Variants in CFAP299 observed in about 807,000 individuals in gnomAD.
The protein encoded by CFAP299 is cilia- and flagella-associated protein 299.
Under a neutral mutation model 27.0 loss-of-function variants are expected in CFAP299, and 21 were observed. The ratio of observed to expected loss-of-function variants is 0.78; its 90% CI spans 0.55 to 1.12. The LOEUF (loss-of-function observed/expected upper bound fraction) is 1.12, where lower values mean the gene tolerates loss of function less well. Ranked by LOEUF, CFAP299 falls within the 50% of genes most tolerant of loss-of-function variation. The probability of loss-of-function intolerance (pLI) is 0.00; values close to 1 mark genes in which losing one functional copy is unlikely to be tolerated. For missense variants in CFAP299, 310 were observed against 276.6 expected (o/e 1.12, Z -0.86); for synonymous variants, 104 against 98.1 (o/e 1.06, Z -0.36).
At chr4:80,552,599 T>C (rs1048925842) in intron 2 of CFAP299, among the ~76,000 whole-genome samples, 1 of 152,204 alleles carries the variant, frequency 6.6e-6, no homozygotes, top group African/African-American at 2.4e-5. Flanking sequence ...AAAATGATTA[T>C]GGAAAAAGAA....
chr4:80,575,293 G>C (rs575710232), intron 2 of CFAP299, among the ~76,000 whole-genome samples: 5 of 151,854 alleles, frequency 3.3e-5, no homozygotes, highest in African/African-American at 9.6e-5. Flanking sequence ...AATTTCTGCA[G>C]TATCAGTTAT....
At chr4:80,676,225 T>A (rs1719446351) in intron 3 of CFAP299, among the ~76,000 whole-genome samples, 1 of 152,240 alleles carries the variant, frequency 6.6e-6, no homozygotes, top group Admixed American at 6.5e-5. Flanking sequence ...ATATTGTTTT[T>A]GTCCTTGGTT....
At chr4:80,756,741 C>T (rs1339598054) in intron 3 of CFAP299, among the ~76,000 whole-genome samples, 1 of 151,994 alleles carries the variant, frequency 6.6e-6, no homozygotes, top group Non-Finnish European at 1.5e-5. Flanking sequence ...AGCTATATGG[C>T]CCACAAAGCC....
rs184452168 is a variant in CFAP299, at chr4:80,401,479, G to A, written c.242+38595G>A. Among the ~76,000 whole-genome samples, 977 of 152,294 alleles carry A rather than the reference G, an allele frequency of 6.4e-3. 22 individuals carry two copies. The highest frequency in any genetic ancestry group is 0.022 in the African/African-American group (932 of 41,528). ...GTACAGCTTGGGCTGTGGCTTCAGAGGGGGGAAGCCCCAAGTCTTGGCAGC... is the reference window on the plus strand; with the variant it reads ...GTACAGCTTGGGCTGTGGCTTCAGAAGGGGGAAGCCCCAAGTCTTGGCAGC... On this transcript the variant is annotated intron_variant, in intron 2 of 5. Transcript: ENST00000358105.
At chr4:80,509,685 A>G (rs1218854785) in intron 2 of CFAP299, among the ~76,000 whole-genome samples, 1 of 152,222 alleles carries the variant, frequency 6.6e-6, no homozygotes, top group East Asian at 1.9e-4. Flanking sequence ...TTATTTCTTC[A>G]CACAGAATTG....
chr4:80,591,040 C>A (rs957740663), intron 3 of CFAP299, among the ~76,000 whole-genome samples: 6 of 142,936 alleles, frequency 4.2e-5, no homozygotes, highest in Non-Finnish European at 7.7e-5. Flanking sequence ...TCTTAATTTA[C>A]TTTATGTTTG....
chr4:80,931,422 C>T (rs1736610250), intron 4 of CFAP299, among the ~76,000 whole-genome samples: 1 of 152,188 alleles, frequency 6.6e-6, no homozygotes, highest in East Asian at 1.9e-4. Context: ...GAGAGCACCC[C>T]ATTCAAACAA....
chr4:80,597,390 A>C (rs1457926117), intron 3 of CFAP299, among the ~76,000 whole-genome samples: 1 of 152,030 alleles, frequency 6.6e-6, no homozygotes, highest in Non-Finnish European at 1.5e-5. Flanking sequence ...CACATTTCTT[A>C]TCTATTTTTC....
At chr4:80,893,634 A>C (rs945457201) in intron 4 of CFAP299, among the ~76,000 whole-genome samples, 1 of 151,800 alleles carries the variant, frequency 6.6e-6, no homozygotes, top group Non-Finnish European at 1.5e-5. Context: ...TCTTCAATAA[A>C]TGATACTAGA....
chr4:80,458,915 G>C (rs1262344324), intron 2 of CFAP299, among the ~76,000 whole-genome samples: 2 of 152,088 alleles, frequency 1.3e-5, no homozygotes, highest in Non-Finnish European at 2.9e-5. Context: ...AAACCAGGCA[G>C]CAAGCCTGGT....
chr4:80,420,259 G>A (rs73829281), intron 2 of CFAP299: 20,495 of 455,384 alleles, frequency 0.045, 1,627 homozygotes, highest in African/African-American at 0.22. Flanking sequence ...ACAAAGAAAA[G>A]CCTCAAAGAA....
At chr4:80,321,442 G>A in the CFAP299 span, among the ~76,000 whole-genome samples, 1 of 152,196 alleles carries the variant, frequency 6.6e-6, no homozygotes, top group Non-Finnish European at 1.5e-5. Flanking sequence ...GAGATGCGGT[G>A]TGAGGTCTGC....
chr4:80,820,492 G>C (rs997617596), intron 3 of CFAP299, among the ~76,000 whole-genome samples: 1 of 149,450 alleles, frequency 6.7e-6, no homozygotes, highest in African/African-American at 2.4e-5. Context: ...TGCTCAGTGT[G>C]TTTAAGGAAC....
At chr4:80,778,697 G>T (rs1206197971) in intron 3 of CFAP299, among the ~76,000 whole-genome samples, 1 of 151,954 alleles carries the variant, frequency 6.6e-6, no homozygotes, top group Non-Finnish European at 1.5e-5. Context: ...TTTATAAAGG[G>T]ATAGGGAACC....
chr4:80,882,129 A>T (rs1225930720), intron 4 of CFAP299, among the ~76,000 whole-genome samples: 1 of 152,166 alleles, frequency 6.6e-6, no homozygotes, highest in African/African-American at 2.4e-5. Flanking sequence ...GAGAATCAAT[A>T]TACGTGTTAT....
At chr4:80,675,589 T>G (rs1719387160) in intron 3 of CFAP299, among the ~76,000 whole-genome samples, 1 of 152,200 alleles carries the variant, frequency 6.6e-6, no homozygotes, top group African/African-American at 2.4e-5. Flanking sequence ...GACAGGGACA[T>G]TTAAGTCTGC....
chr4:80,346,126 A>AT (rs1370990142), intron 1 of CFAP299, among the ~76,000 whole-genome samples: 4 of 151,892 alleles, frequency 2.6e-5, no homozygotes, highest in African/African-American at 4.8e-5. Flanking sequence ...GGGTTGTTTG[A>AT]TTTTTTCTTG....
chr4:80,567,752 A>ATATATATATATATATATATAT (rs1560628779), intron 2 of CFAP299, among the ~76,000 whole-genome samples: 4 of 144,146 alleles, frequency 2.8e-5, no homozygotes, highest in African/African-American at 8.0e-5. Flanking sequence ...TATATATATA[A>ATATATATATATATATATATAT]GTACATAAGA....
chr4:80,445,512 C>T (rs889002937), intron 2 of CFAP299, among the ~76,000 whole-genome samples: 33 of 151,846 alleles, frequency 2.2e-4, no homozygotes, highest in Admixed American at 7.9e-4. Context: ...TGTCATACAC[C>T]GAGGCCTGTC....
Sources: gnomAD v4.1 joint callset for allele counts (sites outside exome capture counted in the v4.1 genomes callset) on GRCh38, gnomAD v4.1.1 for gene constraint, MANE v1.5 for transcripts, NCBI Gene and HGNC (gene_info 2026-07-23, HGNC 2026-07-21) for gene names.